PTPRT: variants seen among roughly 807,000 people sequenced by gnomAD.
The protein encoded by PTPRT is protein tyrosine phosphatase receptor type T.
A neutral mutation model predicts 176.8 loss-of-function variants in PTPRT; 56 were observed. The observed-to-expected ratio is 0.32, with a 90% CI of 0.26 to 0.40. The LOEUF is 0.40. Ranked by LOEUF, PTPRT falls within the 10% of genes least tolerant of loss-of-function variation. PTPRT has a pLI of 1.00. For missense variants in PTPRT, 1,540 were observed against 1,908.2 expected, an observed-to-expected ratio of 0.81 and a Z score of 3.60; for synonymous variants, 783 against 739.0, an observed-to-expected ratio of 1.06 and a Z score of -0.96.
chr20:42,248,818 G>A lies in PTPRT; in HGVS notation c.2181C>T (p.Ala727=). The change falls in exon 14 of 31, where the codon GCC becomes GCT. Residue 727 remains alanine (A), a synonymous_variant. Transcript: ENST00000373187. ...CCACAGTGTTAGAATTCTGGGTGGA[G>A]GCACCTAGGAAGGGAAAGGGAAGGA... ...INCVRLATKG[A]STQNSNTVEP... 1 of 1,613,860 alleles carries A rather than the reference G, an allele frequency of 6.2e-7. No individual in the cohort carries two copies. Among genetic ancestry groups the A allele is most frequent in the Non-Finnish European group, 8.5e-7 (1 of 1,179,800 alleles).
intron 6 of PTPRT, among the ~76,000 whole-genome samples, chr20:42,747,364 T>A (rs2076705880): frequency 6.6e-6 from 1 of 152,188 alleles, no homozygotes; most frequent in Non-Finnish European, 1.5e-5. Flanking sequence ...GTACTGCTGG[T>A]CTAGCAGGAA....
chr20:42,247,489 G>T (rs975676837), intron 14 of PTPRT, among the ~76,000 whole-genome samples: 1 of 152,152 alleles, frequency 6.6e-6, no homozygotes, highest in African/African-American at 2.4e-5. Context: ...CTGTTCCTTT[G>T]TTCTGGTAGG....
At chr20:43,031,467 A>T (rs1333419389) in intron 1 of PTPRT, among the ~76,000 whole-genome samples, 2 of 152,208 alleles carry the variant, frequency 1.3e-5, no homozygotes, top group Admixed American at 1.3e-4. Context: ...CAGCCTCCAG[A>T]ACTGTAAGCA....
intron 7 of PTPRT, among the ~76,000 whole-genome samples, chr20:42,653,394 C>T (rs549597555): frequency 1.3e-5 from 2 of 152,346 alleles, no homozygotes; most frequent in South Asian, 2.1e-4. Flanking sequence ...CTAATACACA[C>T]ACCTTCAGTC....
chr20:42,042,766 A>G, the PTPRT span, among the ~76,000 whole-genome samples: 1 of 152,202 alleles, frequency 6.6e-6, no homozygotes, highest in African/African-American at 2.4e-5. Flanking sequence ...GATCTACTCA[A>G]TTTTGAATTA....
intron 1 of PTPRT, among the ~76,000 whole-genome samples, chr20:42,970,570 AC>A (rs1982570552): frequency 6.6e-6 from 1 of 151,648 alleles, no homozygotes; most frequent in Admixed American, 6.6e-5. Flanking sequence ...TAATGCTAGC[AC>A]CCCCCTCACC....
intron 7 of PTPRT, among the ~76,000 whole-genome samples, chr20:42,630,265 T>A (rs921576238): frequency 2.1e-4 from 32 of 152,138 alleles, no homozygotes; most frequent in African/African-American, 7.7e-4. Context: ...CCAGAACCTC[T>A]AGAACCAACA....
chr20:42,548,763 T>C (rs561885855), intron 7 of PTPRT, among the ~76,000 whole-genome samples: 9 of 152,114 alleles, frequency 5.9e-5, no homozygotes, highest in Non-Finnish European at 8.8e-5. Flanking sequence ...GAAAATTTAA[T>C]AGAAAACACA....
intron 6 of PTPRT, among the ~76,000 whole-genome samples, chr20:42,720,163 T>TTCCCA (rs1353218577): frequency 6.6e-6 from 1 of 152,216 alleles, no homozygotes; most frequent in Non-Finnish European, 1.5e-5. Flanking sequence ...ACAGTTCCAC[T>TTCCCA]GGGATGCTGA....
intron 1 of PTPRT, among the ~76,000 whole-genome samples, chr20:43,051,937 A>T (rs1273097195): frequency 6.6e-6 from 1 of 152,228 alleles, no homozygotes; most frequent in Non-Finnish European, 1.5e-5. Context: ...AAAATGTAGC[A>T]AATTTTAAAA....
chr20:42,969,726 G>GT (rs1465928570), intron 1 of PTPRT: 7 of 152,254 alleles, frequency 4.6e-5, no homozygotes, highest in East Asian at 1.9e-4. Flanking sequence ...TTGACTAATA[G>GT]TTTTTTCTAT....
intron 12 of PTPRT, among the ~76,000 whole-genome samples, chr20:42,297,327 C>T (rs2057401838): frequency 6.6e-6 from 1 of 152,068 alleles, no homozygotes; most frequent in Non-Finnish European, 1.5e-5. Flanking sequence ...GAAATACTTG[C>T]TAATAGCAAG....
intron 8 of PTPRT, among the ~76,000 whole-genome samples, chr20:42,463,374 C>T (rs1352350629): frequency 6.6e-6 from 1 of 152,016 alleles, no homozygotes; most frequent in Non-Finnish European, 1.5e-5. Context: ...CAGAGTTCTA[C>T]AACAAAGGTT....
At chr20:42,748,089 A>C (rs1054133753) in intron 6 of PTPRT, among the ~76,000 whole-genome samples, 2 of 149,130 alleles carry the variant, frequency 1.3e-5, no homozygotes, top group African/African-American at 4.9e-5. Context: ...ACCCATGCTC[A>C]TTCATTTGCA....
intron 1 of PTPRT, among the ~76,000 whole-genome samples, chr20:43,029,718 T>G (rs190905819): frequency 1.3e-5 from 2 of 152,378 alleles, no homozygotes; most frequent in Admixed American, 1.3e-4. Flanking sequence ...GGCTTGGCCT[T>G]ATGATTTCTG....
chr20:42,568,682 C>G (rs1028990010), intron 7 of PTPRT, among the ~76,000 whole-genome samples: 1 of 152,118 alleles, frequency 6.6e-6, no homozygotes, highest in South Asian at 2.1e-4. Context: ...CAGAGGTGAC[C>G]CTCCTGGCCT....
intron 7 of PTPRT, among the ~76,000 whole-genome samples, chr20:42,599,285 C>A (rs575186575): frequency 6.6e-6 from 1 of 152,284 alleles, no homozygotes; most frequent in East Asian, 1.9e-4. Context: ...CAGGTTTGAA[C>A]ACACAGGGTT....
intron 1 of PTPRT, among the ~76,000 whole-genome samples, chr20:43,090,077 G>T (rs2011761171): frequency 6.6e-6 from 1 of 152,052 alleles, no homozygotes; most frequent in South Asian, 2.1e-4. Context: ...TTCCTAAAAT[G>T]AATAAACAAT....
chr20:42,117,557 G>C (rs535153733), intron 21 of PTPRT, among the ~76,000 whole-genome samples: 1 of 152,284 alleles, frequency 6.6e-6, no homozygotes, highest in African/African-American at 2.4e-5. Context: ...AAGATTTAGA[G>C]GTCAGGGGAA....
Sources: allele counts gnomAD v4.1 joint callset (sites outside exome capture counted in the v4.1 genomes callset), GRCh38; gene constraint gnomAD v4.1.1; transcripts MANE v1.5; gene names NCBI Gene and HGNC (gene_info 2026-07-23, HGNC 2026-07-21).